Variants in CHD5 observed in about 807,000 individuals in gnomAD.
CHD5 encodes the protein ATP-dependent chromatin remodeler CHD5.
A neutral mutation model predicts 230.3 loss-of-function variants in CHD5; 69 were observed. The ratio of observed to expected loss-of-function variants is 0.30; its 90% CI spans 0.25 to 0.37. The LOEUF (loss-of-function observed/expected upper bound fraction) is 0.37. Ranked by LOEUF, CHD5 falls within the 10% of genes least tolerant of loss-of-function variation. CHD5 has a pLI of 1.00. For synonymous variants in CHD5, 1,064 were observed against 1,065.9 expected (o/e 1.00, Z 0.03); for missense variants, 1,827 against 2,622.8 (o/e 0.70, Z 6.63).
intron 25 of CHD5, 146 bp downstream of exon 25, chr1:6,127,900 G>C (rs1666586981): frequency 1.4e-6 from 1 of 690,812 alleles, no homozygotes; most frequent in South Asian, 1.8e-5. Context: ...AGGGAGGGCG[G>C]GGCTGCGGCT....
intron 2 of CHD5, among the ~76,000 whole-genome samples, chr1:6,160,723 TC>T (rs1667164064): frequency 6.6e-6 from 1 of 152,254 alleles, no homozygotes; most frequent in Non-Finnish European, 1.5e-5. Flanking sequence ...CCGCTTCCTC[TC>T]CATATGAGAC....
chr1:6,134,962 TAC>T lies in CHD5; in HGVS notation c.2871-105_2871-104del. Reference sequence around the variant, plus strand: ...GGAAGCTGGTGGCCAAGCACCCATTTACAGAGAGACCCAAGGGACCCCCAAGA... The same window carrying T: ...GGAAGCTGGTGGCCAAGCACCCATTTAGAGAGACCCAAGGGACCCCCAAGA... On this transcript the variant is annotated intron_variant, in intron 18 of 41. Transcript: ENST00000262450. This position sits in a 1 kb window ranked among gnomAD's most constrained non-coding sequence, Gnocchi z 6.3. 2 of 1,478,674 alleles carry T rather than the reference TAC, an allele frequency of 1.4e-6. No homozygotes were observed. The highest frequency in any genetic ancestry group is 1.8e-5 in the Admixed American group (1 of 56,080). 91.6% of individuals were successfully genotyped at this position (1,478,674 alleles called of 1,614,324 possible). A position where few individuals can be genotyped will look rare whatever the true frequency, so the allele number is the denominator to read the frequency against.
rs1449248282 is a variant in CHD5, at chr1:6,179,435, A to C, written c.79+510T>G. On this transcript the variant is annotated intron_variant, in intron 1 of 41. Coordinates refer to ENST00000262450, the MANE Select transcript of CHD5 (RefSeq NM_015557.3). ...GAAGCCGCCCCATCCTGGGCGCTCA[A>C]CGCGTCCCCAAGCACCGCCGGTCCT... is the stretch of plus-strand genomic sequence containing the variant. 2.0e-5 allele frequency among the ~76,000 whole-genome samples: 3 copies of C among 151,998 alleles called. No individual in the cohort carries two copies. In the East Asian group the frequency reaches 5.8e-4, roughly 29 times the overall value.
At chr1:6,127,444 C>A (rs772148504) in intron 25 of CHD5, among the ~76,000 whole-genome samples, 12 of 151,974 alleles carry the variant, frequency 7.9e-5, no homozygotes, top group Admixed American at 1.3e-4. Context: ...TGATACTGCG[C>A]CACTGCACTC....
In CHD5 at chr1:6,155,643, A is replaced by T. The variant is rs1339962381; in HGVS notation, c.462T>A (p.Asp154Glu). The change falls in exon 4 of 42, where the codon GAT becomes GAA. Residue 154 changes from aspartate (D) to glutamate (E), a missense_variant. Asp to Glu is a conservative substitution (Grantham distance 45). Around this residue, in one of 14 missense-constraint regions of CHD5, gnomAD observed 657 missense variants for 816.4 expected, o/e 0.80. Transcript: ENST00000262450. This position sits in a 1 kb window ranked among gnomAD's most constrained non-coding sequence, Gnocchi z 4.0. ...DDVDYLFSEE[D>E]YHTLTNYKAF... ...CCTTGTAGTTGGTCAGCGTGTGGTA[A>T]TCCTCCTCCGAGAACAGGTAGTCCA... 1 of 1,614,024 alleles carries T rather than the reference A, an allele frequency of 6.2e-7. No homozygotes were observed. The highest frequency in any genetic ancestry group is 1.1e-5 in the South Asian group (1 of 91,062).
chr1:6,106,985 T>G (rs1229699229), intron 38 of CHD5, among the ~76,000 whole-genome samples: 40 of 34,110 alleles, frequency 1.2e-3, no homozygotes, highest in Admixed American at 1.7e-3. Context: ...GATGGAGGGG[T>G]GGAAGGATGG....
chr1:6,142,621 C>A lies in CHD5; in HGVS notation c.2044-16G>T. ...TGACCGTGGGCTGCAGGGGAGGCAGCGGTTCAGACACGCCCCAGATCCTGG... is the reference window on the plus strand; with the variant it reads ...TGACCGTGGGCTGCAGGGGAGGCAGAGGTTCAGACACGCCCCAGATCCTGG... On this transcript the variant is annotated splice_polypyrimidine_tract_variant and intron_variant, in intron 13 of 41. Transcript: ENST00000262450. The surrounding 1 kb of genome is among the most constrained non-coding windows in gnomAD (Gnocchi z 5.2). 6.2e-7 allele frequency: 1 copy of A among 1,602,448 alleles called. No individual in the cohort carries two copies. The highest frequency in any genetic ancestry group is 8.5e-7 in the Non-Finnish European group (1 of 1,174,282).
chr1:6,107,921 TGGAAGGATGGAA>T (rs1467465684), intron 38 of CHD5, among the ~76,000 whole-genome samples: 4 of 61,630 alleles, frequency 6.5e-5, no homozygotes, highest in Admixed American at 4.2e-4. Context: ...TAATGGAAGA[TGGAAGGATGGAA>T]GGAAGGTGGA....
chr1:6,112,366 G>A (rs1666306312), intron 34 of CHD5, 89 bp from the exon 35 acceptor site: 2 of 1,519,906 alleles, frequency 1.3e-6, no homozygotes, highest in East Asian at 2.3e-5. Context: ...GGACCCAGGA[G>A]GCAAGTAGAA....
chr1:6,152,328 G>A (rs1667019084), intron 6 of CHD5, 84 bp downstream of exon 6: 10 of 1,489,642 alleles, frequency 6.7e-6, no homozygotes, highest in Non-Finnish European at 9.1e-6. Flanking sequence ...ATGAACTGAA[G>A]GCCCTCGCCT....
intron 2 of CHD5, among the ~76,000 whole-genome samples, chr1:6,159,911 CATG>C (rs1384347532): frequency 6.6e-6 from 1 of 152,260 alleles, no homozygotes; most frequent in Non-Finnish European, 1.5e-5. Flanking sequence ...ATTAGTTTTA[CATG>C]ATGAGGCATG....
rs755337221 is a variant in CHD5, at chr1:6,146,474, C to T, written c.1591-51G>A. 5.8e-6 allele frequency: 9 copies of T among 1,546,828 alleles called. 1 individual carries two copies. In the South Asian group the frequency reaches 1.0e-4, roughly 18 times the overall value. On this transcript the variant is annotated intron_variant, in intron 10 of 41. Coordinates refer to ENST00000262450, the MANE Select transcript of CHD5 (RefSeq NM_015557.3). The surrounding 1 kb of genome is among the most constrained non-coding windows in gnomAD (Gnocchi z 5.1). ...CAGAAGGGAGATGGGCCATGGTCCC[C>T]TGCATCTCCCTACCCAGCTCCTCTA...
chr1:6,108,220 A>G (rs1349037953), intron 38 of CHD5, among the ~76,000 whole-genome samples: 10 of 134,092 alleles, frequency 7.5e-5, no homozygotes, highest in Non-Finnish European at 1.4e-4. Context: ...TGATGGAGAG[A>G]TGGACGGGTG....
Position 6,109,865 on chromosome 1 carries a change from G to C in CHD5, c.5508C>G (p.Ala1836=). 1 of 1,612,756 alleles carries C rather than the reference G, an allele frequency of 6.2e-7. No homozygotes were observed. Among genetic ancestry groups the C allele is most frequent in the Non-Finnish European group, 8.5e-7 (1 of 1,179,674 alleles). Residue 1836 remains alanine (A), a synonymous_variant, in exon 38 of 42, where the codon GCC becomes GCG. Coordinates refer to ENST00000262450, the MANE Select transcript of CHD5 (RefSeq NM_015557.3). ...NARLAEVECL[A]ESHQHLSKES... The stretch of plus-strand genomic sequence containing the variant: ...CCTTGGACAGGTGCTGGTGGCTCTC[G>C]GCGAGGCACTCCACTTCAGCCAGGC...
rs1343869532 is a variant in CHD5, at chr1:6,126,660, C to G, written c.3990G>C (p.Gln1330His). Residue 1330 changes from glutamine (Q) to histidine (H), a missense_variant, in exon 26 of 42, where the codon CAG (glutamine) becomes CAC (histidine). Around this residue, in one of 14 missense-constraint regions of CHD5, gnomAD observed 137 missense variants for 272.7 expected, o/e 0.50. Coordinates refer to ENST00000262450, the MANE Select transcript of CHD5 (RefSeq NM_015557.3). The surrounding 1 kb of genome is among the most constrained non-coding windows in gnomAD (Gnocchi z 5.7). ...WEKLLRHHYE[Q>H]QQEDLARNLG... ...GGTTGCGGGCCAGGTCCTCCTGCTG[C>G]TGCTCATAGTGGTGCCGCAGCAGCT... The G allele has an allele frequency of 6.2e-7, 1 of 1,614,058 alleles. No individual in the cohort carries two copies. The highest frequency in any genetic ancestry group is 8.5e-7 in the Non-Finnish European group (1 of 1,180,012).
At chr1:6,133,609 C>T (rs1571151003) in intron 20 of CHD5, among the ~76,000 whole-genome samples, 1 of 152,254 alleles carries the variant, frequency 6.6e-6, no homozygotes, top group East Asian at 1.9e-4. Context: ...GTAGACTGAG[C>T]AGCTTGAGGA....
Position 6,106,355 on chromosome 1 carries a change from G to A in CHD5, c.5857+40C>T, listed in dbSNP as rs1666166188. 5.6e-6 allele frequency: 9 copies of A among 1,611,062 alleles called. No homozygotes were observed. In the South Asian group the frequency reaches 8.8e-5, roughly 16 times the overall value. On this transcript the variant is annotated intron_variant, in intron 40 of 41. Coordinates refer to ENST00000262450, the MANE Select transcript of CHD5 (RefSeq NM_015557.3). ...GCAGCAGGCAGGCCGGGCCCGGCGGGCACCCGTGTGCATGCTGCCCGGAGC... is the reference window on the plus strand; with the variant it reads ...GCAGCAGGCAGGCCGGGCCCGGCGGACACCCGTGTGCATGCTGCCCGGAGC...
chr1:6,118,117 T>C (rs1319046847), intron 33 of CHD5, among the ~76,000 whole-genome samples: 2 of 152,204 alleles, frequency 1.3e-5, no homozygotes, highest in Non-Finnish European at 2.9e-5. Flanking sequence ...AAGTACTGCC[T>C]GTAATCCCAG....
At chr1:6,122,549 G>A (rs1666488277) in intron 31 of CHD5, among the ~76,000 whole-genome samples, 1 of 152,158 alleles carries the variant, frequency 6.6e-6, no homozygotes, top group Non-Finnish European at 1.5e-5. Flanking sequence ...AATGTAAAAT[G>A]GTACAGCTGC....
Sources: allele counts gnomAD v4.1 joint callset (sites outside exome capture counted in the v4.1 genomes callset), GRCh38; gene constraint gnomAD v4.1.1; regional missense constraint gnomAD v4.1.1; non-coding constraint Gnocchi (gnomAD v3.1); transcripts MANE v1.5; gene names NCBI Gene and HGNC (gene_info 2026-07-23, HGNC 2026-07-21).